Variants in MCTP1 observed in about 807,000 individuals in gnomAD.
MCTP1 encodes the protein multiple C2 and transmembrane domain containing 1.
MCTP1 carries 69 observed loss-of-function variants against 120.6 expected under a neutral mutation model. That is an observed-to-expected ratio of 0.57 (90% CI 0.47 to 0.70). The LOEUF is 0.70. Ranked by LOEUF, MCTP1 falls within the 30% of genes least tolerant of loss-of-function variation. The pLI is 0.00. For synonymous variants in MCTP1, 529 were observed against 493.1 expected (o/e 1.07, Z -0.96); for missense variants, 1,203 against 1,248.8 (o/e 0.96, Z 0.55).
chr5:95,079,984 T>C (rs147436075), intron 1 of MCTP1, among the ~76,000 whole-genome samples: 1 of 152,296 alleles, frequency 6.6e-6, no homozygotes, highest in African/African-American at 2.4e-5. Context: ...AGTACAGTTA[T>C]ATAAATATAA....
chr5:94,873,076 C>T, intron 13 of MCTP1, 63 bp downstream of exon 13: 3 of 949,686 alleles, frequency 3.2e-6, no homozygotes, highest in Non-Finnish European at 5.1e-6. Flanking sequence ...TTTTTAAAAC[C>T]CTCAAAAATA....
intron 1 of MCTP1, among the ~76,000 whole-genome samples, chr5:95,177,349 C>T (rs751851008): frequency 6.6e-5 from 10 of 152,064 alleles, no homozygotes; most frequent in Middle Eastern, 3.4e-3. Context: ...GTATGATCTC[C>T]GGTTTAATAC....
chr5:94,730,982 A>G (rs1291475330), intron 19 of MCTP1, among the ~76,000 whole-genome samples: 3 of 151,888 alleles, frequency 2.0e-5, no homozygotes, highest in East Asian at 3.9e-4. Flanking sequence ...CAGAACACCA[A>G]TATAAAATCA....
chr5:94,770,007 T>C (rs1773692443), intron 19 of MCTP1, among the ~76,000 whole-genome samples: 1 of 152,240 alleles, frequency 6.6e-6, no homozygotes, highest in South Asian at 2.1e-4. Flanking sequence ...GTTCTTAAAA[T>C]CAAAGAATTC....
intron 18 of MCTP1, among the ~76,000 whole-genome samples, chr5:94,782,966 G>T (rs911622120): frequency 6.6e-6 from 1 of 151,998 alleles, no homozygotes; most frequent in East Asian, 1.9e-4. Context: ...CTGATACCTC[G>T]CTTGAAAGCA....
rs563378798 is a variant in MCTP1 at position 95,077,723 on chromosome 5, C to T, written c.721-60239G>A. Among the ~76,000 whole-genome samples the T allele has an allele frequency of 2.6e-5, 4 of 152,248 alleles. No individual in the cohort carries two copies. In the East Asian group the frequency reaches 5.8e-4, roughly 22 times the overall value. On this transcript the variant is annotated intron_variant, in intron 1 of 22. Transcript: ENST00000515393. ...TCCTGACCTCGTGATCCGCCCACCT[C>T]GGCCTCCCAAAGTGCTGGGATTACA... is the stretch of plus-strand genomic sequence containing the variant.
At chr5:95,178,654 T>C (rs1490882800) in intron 1 of MCTP1, among the ~76,000 whole-genome samples, 1 of 152,168 alleles carries the variant, frequency 6.6e-6, no homozygotes, top group East Asian at 1.9e-4. Context: ...GAGCACCCCA[T>C]GGAGCAAAAG....
intron 1 of MCTP1, among the ~76,000 whole-genome samples, chr5:95,141,315 C>T (rs1342176736): frequency 6.6e-6 from 1 of 152,168 alleles, no homozygotes; most frequent in African/African-American, 2.4e-5. Flanking sequence ...AAAATGATTG[C>T]CACGGGCGTA....
chr5:94,992,425 T>C (rs1000378329), intron 2 of MCTP1, among the ~76,000 whole-genome samples: 6 of 152,170 alleles, frequency 3.9e-5, no homozygotes, highest in Non-Finnish European at 7.3e-5. Context: ...GCTTTTGTTA[T>C]CCCCATTTTG....
rs893172134 is a variant in MCTP1 at position 94,880,143 on chromosome 5, C to A, written c.1934-6902G>T. Among the ~76,000 whole-genome samples the A allele has an allele frequency of 8.5e-5, 13 of 152,096 alleles. No individual in the cohort carries two copies. In the East Asian group the frequency reaches 2.5e-3, roughly 29 times the overall value. On this transcript the variant is annotated intron_variant, in intron 12 of 22. Coordinates refer to ENST00000515393, the MANE Select transcript of MCTP1 (RefSeq NM_024717.7). ...CAGCTTAGATAAATTATGGTAAGAACATTTAAATACTTCATTTTCAATTCA... is the reference window on the plus strand; with the variant it reads ...CAGCTTAGATAAATTATGGTAAGAAAATTTAAATACTTCATTTTCAATTCA...
intron 1 of MCTP1, among the ~76,000 whole-genome samples, chr5:95,223,095 T>C (rs945887106): frequency 5.3e-5 from 8 of 152,204 alleles, no homozygotes; most frequent in African/African-American, 1.9e-4. Context: ...ACTTACTTAT[T>C]TACTCATCAG....
intron 1 of MCTP1, among the ~76,000 whole-genome samples, chr5:95,081,157 AC>A (rs761152482): frequency 9.2e-5 from 14 of 152,322 alleles, no homozygotes; most frequent in East Asian, 7.7e-4. Context: ...AACAAAAAAA[AC>A]AAACCAATAT....
intron 1 of MCTP1, among the ~76,000 whole-genome samples, chr5:95,230,466 A>G (rs11135422): frequency 0.14 from 20,635 of 151,902 alleles, 1,377 homozygotes; most frequent in Middle Eastern, 0.19. Flanking sequence ...CTTTATTCTC[A>G]TTCTGCTTTT....
intron 19 of MCTP1, among the ~76,000 whole-genome samples, chr5:94,752,595 G>A (rs1221412499): frequency 6.6e-6 from 1 of 152,004 alleles, no homozygotes; most frequent in Non-Finnish European, 1.5e-5. Context: ...GTTTTAACTT[G>A]GTTCCTAGGT....
chr5:95,017,997 A>C (rs1252376875), intron 1 of MCTP1, among the ~76,000 whole-genome samples: 3 of 152,226 alleles, frequency 2.0e-5, no homozygotes, highest in African/African-American at 4.8e-5. Flanking sequence ...TATAGAAATA[A>C]ATTCACCTAG....
chr5:95,108,620 T>A (rs1212353990), intron 1 of MCTP1, among the ~76,000 whole-genome samples: 1 of 152,198 alleles, frequency 6.6e-6, no homozygotes, highest in Non-Finnish European at 1.5e-5. Flanking sequence ...ATTTATTCCA[T>A]CTATTATAAA....
At chr5:94,791,810 C>T (rs1779028965) in intron 18 of MCTP1, 1 of 152,326 alleles carries the variant, frequency 6.6e-6, no homozygotes, top group South Asian at 2.1e-4. Flanking sequence ...GGCTACCCCA[C>T]CCTGGTCCTC....
intron 18 of MCTP1, 134 bp downstream of exon 18, chr5:94,798,879 G>C: frequency 3.5e-6 from 3 of 859,300 alleles, no homozygotes; most frequent in Non-Finnish European, 5.2e-6. Context: ...GTTTTGACCT[G>C]ATAAAACTTT....
intron 1 of MCTP1, among the ~76,000 whole-genome samples, chr5:95,245,663 A>C (rs1169982116): frequency 6.6e-6 from 1 of 152,216 alleles, no homozygotes; most frequent in Non-Finnish European, 1.5e-5. Context: ...AAAGCCTCCA[A>C]GAAATATGAG....
Sources: allele counts gnomAD v4.1 joint callset (sites outside exome capture counted in the v4.1 genomes callset), GRCh38; gene constraint gnomAD v4.1.1; transcripts MANE v1.5; gene names NCBI Gene and HGNC (gene_info 2026-07-23, HGNC 2026-07-21).